The following PHYKPL variants were observed in gnomAD, a reference collection of about 807,000 sequenced individuals.
PHYKPL encodes the protein 5-phosphonooxy-L-lysine phospho-lyase.
A neutral mutation model predicts 51.3 loss-of-function variants in PHYKPL; 42 were observed. That is an observed-to-expected ratio of 0.82 (90% CI 0.64 to 1.06). PHYKPL has a LOEUF of 1.06. PHYKPL is among the 50% of genes least tolerant of loss of function. The pLI, the probability that PHYKPL is intolerant of heterozygous loss-of-function variation, is 0.00. For missense variants in PHYKPL, 655 were observed against 586.6 expected (o/e 1.12, Z -1.20); for synonymous variants, 264 against 236.0 (o/e 1.12, Z -1.09).
intron 8 of PHYKPL, 119 bp from the exon 9 acceptor site, chr5:178,215,549 C>CTAAGGGGTTTGGGGCCT: frequency 7.9e-7 from 1 of 1,266,518 alleles, no homozygotes; most frequent in Non-Finnish European, 1.1e-6. Flanking sequence ...AGCAGAGGCC[C>CTAAGGGGTTTGGGGCCT]CAAACCCCTT....
At chr5:178,231,734 T>C (rs780894101) in intron 1 of PHYKPL, 2 of 1,523,858 alleles carry the variant, frequency 1.3e-6, no homozygotes, top group African/African-American at 1.4e-5. Flanking sequence ...TCGCTGAAAC[T>C]TCGGATTGTT....
intron 1 of PHYKPL, chr5:178,231,860 C>T (rs900741765): frequency 7.5e-7 from 1 of 1,334,074 alleles, no homozygotes; most frequent in Non-Finnish European, 9.9e-7. Context: ...TCCATAAGGC[C>T]GCGTGTCTTC....
rs756271509 is a variant in PHYKPL, at chr5:178,222,920, G to A, written c.633C>T (p.Phe211=). 12 of 1,614,128 alleles carry A rather than the reference G, an allele frequency of 7.4e-6. No individual in the cohort carries two copies. The highest frequency in any genetic ancestry group is 3.3e-5 in the Admixed American group (2 of 60,022). ...QEKGRKIAAF[F]AESLPSVGGQ... ...CTCCCACACTGGGCAGAGACTCAGC[G>A]AAGAAGGCTGCAATCTGTGAAGAGA... The change falls in exon 7 of 13, where the codon TTC becomes TTT. Residue 211 remains phenylalanine, a synonymous_variant. Transcript: ENST00000308158.
chr5:178,227,949 G>A (rs940742062), intron 3 of PHYKPL, among the ~76,000 whole-genome samples: 2 of 152,166 alleles, frequency 1.3e-5, no homozygotes, highest in Non-Finnish European at 2.9e-5. Flanking sequence ...AGGTGGTGAT[G>A]CCCTTTACAA....
At chr5:178,221,309 T>G (rs1761130469) in intron 8 of PHYKPL, among the ~76,000 whole-genome samples, 1 of 152,132 alleles carries the variant, frequency 6.6e-6, no homozygotes, top group South Asian at 2.1e-4. Flanking sequence ...CCTTCCAGAC[T>G]GAGATCTGGT....
chr5:178,222,348 CACTCACCGTGTTGAAGT>C lies in PHYKPL; in HGVS notation c.917_927+6del. The C allele has an allele frequency of 6.2e-7, 1 of 1,605,474 alleles. No individual in the cohort carries two copies. Among genetic ancestry groups the C allele is most frequent in the South Asian group, 1.1e-5 (1 of 90,446 alleles). On this transcript the variant is annotated splice_donor_variant and splice_donor_5th_base_variant and coding_sequence_variant and intron_variant, in exon 8 of 13. Coordinates refer to ENST00000308158, the MANE Select transcript of PHYKPL (RefSeq NM_153373.4). LOFTEE classifies it high-confidence loss of function. ...TGTTGCTCCCTTGACTTAGAGCCAT[CACTCACCGTGTTGAAGT>C]ACTCAACGCCGGTGGCTTCAAATGC...
At chr5:178,219,607 G>C (rs941644096) in intron 8 of PHYKPL, among the ~76,000 whole-genome samples, 1 of 151,864 alleles carries the variant, frequency 6.6e-6, no homozygotes, top group Non-Finnish European at 1.5e-5. Context: ...CCGCCACCAC[G>C]CCCGGCTAAT....
intron 3 of PHYKPL, chr5:178,226,056 A>G (rs1311857799): frequency 6.6e-6 from 1 of 150,954 alleles, no homozygotes; most frequent in Non-Finnish European, 1.5e-5. Context: ...ATGAGCCACC[A>G]TGCTGGCCAC....
chr5:178,225,370 A>G lies in PHYKPL; in HGVS notation c.398T>C (p.Val133Ala). The G allele has an allele frequency of 6.2e-7, 1 of 1,614,142 alleles. No homozygotes were observed. The highest frequency in any genetic ancestry group is 8.5e-7 in the Non-Finnish European group (1 of 1,180,020). ...TTGCACTTACTGATCTAATACCACCACGTCCTGGTGTCCCGTGTAGTGGCG... is the reference window on the plus strand; with the variant it reads ...TTGCACTTACTGATCTAATACCACCGCGTCCTGGTGTCCCGTGTAGTGGCG... ...LARHYTGHQD[V>A]VVLDHAYHGH... The change falls in exon 4 of 13, where the codon GTG becomes GCG. Residue 133 changes from valine (V) to alanine (A), a missense_variant. Transcript: ENST00000308158.
chr5:178,223,104 G>A (rs1761533626), intron 6 of PHYKPL, among the ~76,000 whole-genome samples, 170 bp from the exon 7 acceptor site: 1 of 152,122 alleles, frequency 6.6e-6, no homozygotes, highest in Non-Finnish European at 1.5e-5. Flanking sequence ...TTTCTCTCAG[G>A]CCTCCAGCCA....
At chr5:178,210,405 T>C in intron 12 of PHYKPL, 2 of 1,554,276 alleles carry the variant, frequency 1.3e-6, no homozygotes, top group Non-Finnish European at 1.8e-6. Flanking sequence ...TACTTGATTT[T>C]GAGCCTTAGA....
chr5:178,225,360 T>C lies in PHYKPL; in HGVS notation c.408A>G (p.Leu136=), dbSNP rs759007614. The C allele has an allele frequency of 2.7e-5, 43 of 1,614,046 alleles. No individual in the cohort carries two copies. The highest frequency in any genetic ancestry group is 3.5e-5 in the Non-Finnish European group (41 of 1,180,032). The change falls in exon 4 of 13, where the codon TTA becomes TTG. Residue 136 remains leucine, a synonymous_variant. Transcript: ENST00000308158. ...HYTGHQDVVV[L]DHAYHGHLSS... is the part of the protein sequence containing the mutation. ...GGGCTGTGAGTTGCACTTACTGATC[T>C]AATACCACCACGTCCTGGTGTCCCG...
Position 178,211,931 on chromosome 5 carries a change from A to G in PHYKPL, c.1343T>C (p.Leu448Pro), listed in dbSNP as rs200824280. The stretch of plus-strand genomic sequence containing the variant: ...CAGAGCAGGGCTGGCTTAGGGCTGG[A>G]GCCTCAGCGTTTCACAACTTCTCAC... ...EKVRSCETLR[L>P]QP The change falls in exon 12 of 13, where the codon CTC becomes CCC. Residue 448 changes from leucine (L) to proline (P), a missense_variant. Coordinates refer to ENST00000308158, the MANE Select transcript of PHYKPL (RefSeq NM_153373.4). 4.3e-6 allele frequency: 7 copies of G among 1,613,210 alleles called. No individual in the cohort carries two copies. The African/African-American group carries it at 9.3e-5, about 22-fold the overall frequency.
intron 7 of PHYKPL, 123 bp from the exon 8 acceptor site, chr5:178,222,703 G>T: frequency 7.5e-7 from 1 of 1,340,416 alleles, no homozygotes; most frequent in Non-Finnish European, 1.0e-6. Flanking sequence ...TTGGGCAATG[G>T]CTGGCCTTCT....
In PHYKPL at chr5:178,224,749, G is replaced by A. The variant is rs1367138622; in HGVS notation, c.414-20C>T. 10 of 1,594,592 alleles carry A rather than the reference G, an allele frequency of 6.3e-6. No individual in the cohort carries two copies. The highest frequency in any genetic ancestry group is 1.1e-5 in the South Asian group (1 of 89,966). On this transcript the variant is annotated intron_variant, in intron 4 of 12. Coordinates refer to ENST00000308158, the MANE Select transcript of PHYKPL (RefSeq NM_153373.4). ...TACGCACTGGGGAGGAGAAGGGAGGGTAGGCTCGGGTCCGGGCAGCACCTA... is the reference window on the plus strand; with the variant it reads ...TACGCACTGGGGAGGAGAAGGGAGGATAGGCTCGGGTCCGGGCAGCACCTA...
At chr5:178,232,409 A>C (rs1210027648) in intron 1 of PHYKPL, 83 bp downstream of exon 1, 37 of 1,345,036 alleles carry the variant, frequency 2.8e-5, no homozygotes, top group Non-Finnish European at 3.4e-5. Context: ...GCGCGTGCGT[A>C]GTGCGTGCGT....
intron 3 of PHYKPL, chr5:178,226,569 G>A (rs1417023504): frequency 6.6e-6 from 1 of 152,148 alleles, no homozygotes; most frequent in African/African-American, 2.4e-5. Flanking sequence ...GCCCTCCCTG[G>A]GCGCACCACC....
rs867730064 is a variant in PHYKPL, at chr5:178,221,105, T to C, written c.927+1250A>G. 2.0e-5 allele frequency among the ~76,000 whole-genome samples: 3 copies of C among 152,142 alleles called. No individual in the cohort carries two copies. In the South Asian group the frequency reaches 6.2e-4, roughly 32 times the overall value. On this transcript the variant is annotated intron_variant, in intron 8 of 12. Coordinates refer to ENST00000308158, the MANE Select transcript of PHYKPL (RefSeq NM_153373.4). ...CTGGCTTCCCAGGTGCTTAGAACAT[T>C]AATAAAGGTTAACTGAATAACTAGA...
At position 178,213,024 on chromosome 5, in the gene PHYKPL, T is replaced by C; in HGVS notation, c.1252A>G (p.Ser418Gly). 1 of 1,614,228 alleles carries C rather than the reference T, an allele frequency of 6.2e-7. No individual in the cohort carries two copies. Residue 418 changes from serine (S) to glycine (G), a missense_variant, in exon 11 of 13, where the codon AGC becomes GGC. Transcript: ENST00000308158. ...ACCACCTGCCGTGCATTGTCCAGGCTGAAGCACATTGGGGGCTTAAACTTC... is the reference window on the plus strand; with the variant it reads ...ACCACCTGCCGTGCATTGTCCAGGCCGAAGCACATTGGGGGCTTAAACTTC... ...ILKFKPPMCF[S>G]LDNARQVVAK...
Sources: allele counts gnomAD v4.1 joint callset (sites outside exome capture counted in the v4.1 genomes callset), GRCh38; gene constraint gnomAD v4.1.1; transcripts MANE v1.5; gene names NCBI Gene and HGNC (gene_info 2026-07-23, HGNC 2026-07-21).